The following ZDHHC21 variants were observed in gnomAD, a reference collection of about 807,000 sequenced individuals.
The protein encoded by ZDHHC21 is palmitoyltransferase ZDHHC21.
In ZDHHC21, 15 loss-of-function variants were observed where a neutral mutation model predicts 34.6. That is an observed-to-expected ratio of 0.43 (90% CI 0.29 to 0.67). The LOEUF is 0.67. ZDHHC21 is among the 30% of genes least tolerant of loss of function. ZDHHC21 has a pLI of 0.14. For synonymous variants in ZDHHC21, 142 were observed against 101.8 expected (o/e 1.40, Z -2.38); for missense variants, 344 against 327.7 (o/e 1.05, Z -0.38).
chr9:14,592,369 T>C, the ZDHHC21 span, among the ~76,000 whole-genome samples: 1 of 152,042 alleles, frequency 6.6e-6, no homozygotes, highest in Non-Finnish European at 1.5e-5. Context: ...TATATATTTA[T>C]ACATATTTAC....
At chr9:14,655,360 A>C (rs1587180360) in intron 7 of ZDHHC21, among the ~76,000 whole-genome samples, 1 of 152,020 alleles carries the variant, frequency 6.6e-6, no homozygotes, top group Non-Finnish European at 1.5e-5. Context: ...AGAAAAAATA[A>C]GCCTAGAGGA....
At chr9:14,601,527 A>G in the ZDHHC21 span, among the ~76,000 whole-genome samples, 1 of 152,190 alleles carries the variant, frequency 6.6e-6, no homozygotes, top group African/African-American at 2.4e-5. Flanking sequence ...GAAAAACAGG[A>G]ACACTTTTAC....
At chr9:14,681,787 A>G (rs941594944) in intron 2 of ZDHHC21, among the ~76,000 whole-genome samples, 1 of 151,604 alleles carries the variant, frequency 6.6e-6, no homozygotes, top group Admixed American at 6.6e-5. Flanking sequence ...CACTTAAGAC[A>G]GGAGGCATAC....
chr9:14,627,556 TCAC>T (rs1383041971), intron 8 of ZDHHC21, among the ~76,000 whole-genome samples: 7 of 152,000 alleles, frequency 4.6e-5, no homozygotes, highest in African/African-American at 7.2e-5. Context: ...ACCCCCAACC[TCAC>T]CACAACTGAG....
intron 2 of ZDHHC21, among the ~76,000 whole-genome samples, chr9:14,682,979 T>C (rs1587459357): frequency 6.6e-6 from 1 of 152,164 alleles, no homozygotes; most frequent in African/African-American, 2.4e-5. Context: ...AAGATGTTAT[T>C]TGAAACCAAT....
At chr9:14,664,940 T>G (rs1194520051) in intron 5 of ZDHHC21, among the ~76,000 whole-genome samples, 1 of 150,532 alleles carries the variant, frequency 6.6e-6, no homozygotes, top group African/African-American at 2.5e-5. Flanking sequence ...ATGCAGAGCG[T>G]CTCTCCTCCT....
chr9:14,685,973 C>A (rs1266721805), intron 2 of ZDHHC21, among the ~76,000 whole-genome samples: 2 of 151,570 alleles, frequency 1.3e-5, no homozygotes, highest in Admixed American at 1.3e-4. Context: ...CCAAACACCA[C>A]ATGTTCTCAC....
intron 7 of ZDHHC21, among the ~76,000 whole-genome samples, chr9:14,653,391 T>C (rs1320379650): frequency 2.6e-5 from 4 of 152,014 alleles, no homozygotes; most frequent in Non-Finnish European, 5.9e-5. Context: ...ATTGGTAATT[T>C]TTTTCTACCT....
Position 14,662,257 on chromosome 9 carries a change from C to A in ZDHHC21, c.323G>T (p.Arg108Leu), listed in dbSNP as rs1434372522. The change falls in exon 6 of 10, where the codon CGC (arginine) becomes CTC (leucine). Residue 108 changes from arginine to leucine, a missense_variant. Physicochemically the swap from Arg to Leu is moderately radical, Grantham distance 102 (BLOSUM62 -2). Transcript: ENST00000380916. Reference sequence around the variant, plus strand: ...CATTCTCCTCACACAGTGGCCGCAGCGGCTACAGTGATGGGAACGCTTTGG... The same window carrying A: ...CATTCTCCTCACACAGTGGCCGCAGAGGCTACAGTGATGGGAACGCTTTGG... ...MRPKRSHHCS[R>L]CGHCVRRMDH... The A allele has an allele frequency of 1.9e-6, 3 of 1,612,582 alleles. No homozygotes were observed. The highest frequency in any genetic ancestry group is 2.2e-5 in the East Asian group (1 of 44,822).
chr9:14,683,726 A>C (rs1837783912), intron 2 of ZDHHC21: 1 of 152,252 alleles, frequency 6.6e-6, no homozygotes, highest in Admixed American at 6.5e-5. Context: ...CCTGATACCA[A>C]AGCCTGGCAG....
At chr9:14,620,144 A>C (rs1327628825) in intron 8 of ZDHHC21, among the ~76,000 whole-genome samples, 1 of 152,058 alleles carries the variant, frequency 6.6e-6, no homozygotes, top group Non-Finnish European at 1.5e-5. Flanking sequence ...AAACTCAACA[A>C]GGCAATCTAT....
chr9:14,650,437 A>G, intron 7 of ZDHHC21, among the ~76,000 whole-genome samples: 1 of 152,002 alleles, frequency 6.6e-6, no homozygotes. Flanking sequence ...AAAAATCTAA[A>G]AAGCTAAATG....
intron 2 of ZDHHC21, among the ~76,000 whole-genome samples, chr9:14,688,840 T>C (rs1838744038): frequency 7.0e-6 from 1 of 143,652 alleles, no homozygotes; most frequent in Non-Finnish European, 1.5e-5. Flanking sequence ...CCAGCCTGGG[T>C]GACAGAGCGA....
intron 8 of ZDHHC21, among the ~76,000 whole-genome samples, chr9:14,636,406 T>C (rs1198654848): frequency 6.6e-6 from 1 of 152,274 alleles, no homozygotes; most frequent in East Asian, 1.9e-4. Context: ...TACCCAGATA[T>C]ATAAACCAAG....
chr9:14,690,217 C>G (rs1166601201), intron 2 of ZDHHC21, 120 bp downstream of exon 2: 1 of 382,652 alleles, frequency 2.6e-6, no homozygotes, highest in African/African-American at 2.1e-5. Flanking sequence ...ACCCACCACA[C>G]CAAGAGAGAT....
rs1485085227 is a variant in ZDHHC21 at position 14,685,666 on chromosome 9, A to G, written c.-176+4671T>C. Among the ~76,000 whole-genome samples, 3 of 152,362 alleles carry G rather than the reference A, an allele frequency of 2.0e-5. No homozygotes were observed. In the East Asian group the frequency reaches 5.8e-4, roughly 29 times the overall value. On this transcript the variant is annotated intron_variant, in intron 2 of 9. Transcript: ENST00000380916. ...TGTGGCGATTCCTCAAGGATCTAGA[A>G]CTAGAAATACCATTTGACCCAGCCA...
At chr9:14,602,267 A>C in the ZDHHC21 span, among the ~76,000 whole-genome samples, 8 of 152,094 alleles carry the variant, frequency 5.3e-5, no homozygotes, top group East Asian at 1.5e-3. Flanking sequence ...GAATTTCTCA[A>C]CTTGAAGACA....
intron 5 of ZDHHC21, among the ~76,000 whole-genome samples, chr9:14,665,673 AAG>A (rs1230150925): frequency 7.3e-6 from 1 of 137,564 alleles, no homozygotes; most frequent in African/African-American, 2.7e-5. Context: ...TACAAGCCAG[AAG>A]AGAGTGGGGG....
chr9:14,678,683 T>C (rs1052713572), intron 3 of ZDHHC21, among the ~76,000 whole-genome samples: 2 of 152,070 alleles, frequency 1.3e-5, no homozygotes, highest in Admixed American at 6.6e-5. Context: ...TAAAAAGTAC[T>C]CCTGAGACTG....
Sources: gnomAD v4.1 joint callset for allele counts (sites outside exome capture counted in the v4.1 genomes callset) on GRCh38, gnomAD v4.1.1 for gene constraint, MANE v1.5 for transcripts, NCBI Gene and HGNC (gene_info 2026-07-23, HGNC 2026-07-21) for gene names.